The following DHRS12 variants were observed in gnomAD, a reference collection of about 807,000 sequenced individuals.
DHRS12 encodes dehydrogenase/reductase SDR family member 12.
DHRS12 carries 29 observed loss-of-function variants against 32.1 expected under a neutral mutation model. The observed-to-expected ratio is 0.90, with a 90% CI of 0.67 to 1.23. DHRS12 has a LOEUF of 1.23. DHRS12 is among the 50% of genes most tolerant of loss of function. The pLI is 0.00. For missense variants in DHRS12, 330 were observed against 337.2 expected (o/e 0.98, Z 0.17); for synonymous variants, 150 against 135.9 (o/e 1.10, Z -0.72).
At chr13:51,761,115 GTTT>G in the DHRS12 span, 1 of 152,162 alleles carries the variant, frequency 6.6e-6, no homozygotes, top group African/African-American at 2.4e-5. Context: ...ATCCTAATGT[GTTT>G]CATCAGAACA....
intron 4 of DHRS12, among the ~76,000 whole-genome samples, chr13:51,779,019 C>T (rs979426169): frequency 6.6e-6 from 1 of 152,046 alleles, no homozygotes; most frequent in African/African-American, 2.4e-5. Flanking sequence ...AAAGTCCCAG[C>T]AAGTTCATAC....
chr13:51,799,705 G>A, intron 1 of DHRS12, 38 bp from the exon 2 acceptor site: 2 of 1,607,776 alleles, frequency 1.2e-6, no homozygotes, highest in African/African-American at 1.3e-5. Context: ...CAGCTGTAAG[G>A]AGTGGGGAAC....
intron 5 of DHRS12, chr13:51,774,470 GTATTCTCCTACAGTATTCTCC>G (rs1169746004): frequency 6.2e-4 from 48 of 77,008 alleles, no homozygotes; most frequent in Middle Eastern, 9.6e-3. Flanking sequence ...TTCTCCTACA[GTATTCTCCTACAGTATTCTCC>G]TACATGTATT....
chr13:51,781,816 G>T (rs932020137), intron 4 of DHRS12, among the ~76,000 whole-genome samples: 1 of 152,152 alleles, frequency 6.6e-6, no homozygotes, highest in African/African-American at 2.4e-5. Context: ...GAAACCAAGG[G>T]GTGACTTTAA....
At position 51,774,050 on chromosome 13, in the gene DHRS12, CAG is replaced by C. The variant is rs763698429; in HGVS notation, c.364-18_364-17del. 7 of 1,611,220 alleles carry C rather than the reference CAG, an allele frequency of 4.3e-6. No homozygotes were observed. Among genetic ancestry groups the C allele is most frequent in the East Asian group, 2.2e-5 (1 of 44,860 alleles). On this transcript the variant is annotated splice_polypyrimidine_tract_variant and intron_variant, in intron 5 of 8. Coordinates refer to ENST00000444610, the MANE Select transcript of DHRS12 (RefSeq NM_001377533.1). ...AGACGGTTATCTGCAATAAAGGTAA[CAG>C]AGATTTACAAACTAAAGCCTGTGAC...
At position 51,773,904 on chromosome 13, in the gene DHRS12, A is replaced by C. The variant is rs1954175129; in HGVS notation, c.468+26T>G. ...CCCTCGCAGCCCGTGGGTAAAATGC[A>C]GTCTCAGGAAACCCACCTCACTGAC... On this transcript the variant is annotated intron_variant, in intron 6 of 8. Transcript: ENST00000444610. 6 of 1,596,944 alleles carry C rather than the reference A, an allele frequency of 3.8e-6. No individual in the cohort carries two copies. In the East Asian group the frequency reaches 1.3e-4, roughly 36 times the overall value.
chr13:51,791,096 G>T, intron 3 of DHRS12, 69 bp downstream of exon 3: 2 of 1,106,442 alleles, frequency 1.8e-6, no homozygotes, highest in Non-Finnish European at 2.6e-6. Context: ...ATACATATCC[G>T]TCCACATCCA....
At chr13:51,781,975 C>G (rs1408736182) in intron 4 of DHRS12, among the ~76,000 whole-genome samples, 1 of 152,088 alleles carries the variant, frequency 6.6e-6, no homozygotes, top group Admixed American at 6.5e-5. Flanking sequence ...GCAGAGTGGT[C>G]GCAGTGGAGC....
chr13:51,771,636 C>T (rs988775036), intron 7 of DHRS12, 185 bp downstream of exon 7: 6 of 1,438,928 alleles, frequency 4.2e-6, no homozygotes, highest in Non-Finnish European at 3.8e-6. Context: ...AGCAAAAGCT[C>T]TGTGTCTGTA....
chr13:51,771,524 C>T (rs746205071), intron 7 of DHRS12: 1 of 1,612,830 alleles, frequency 6.2e-7, no homozygotes, highest in Admixed American at 1.7e-5. Flanking sequence ...TGGTCACCGG[C>T]TCCCTCTCTC....
chr13:51,794,542 T>C (rs969540758), intron 2 of DHRS12, among the ~76,000 whole-genome samples: 1 of 152,186 alleles, frequency 6.6e-6, no homozygotes, highest in Non-Finnish European at 1.5e-5. Context: ...GTGTGTGATG[T>C]TGGTGGAGTC....
At chr13:51,777,547 C>T (rs1954495487) in intron 4 of DHRS12, among the ~76,000 whole-genome samples, 1 of 152,140 alleles carries the variant, frequency 6.6e-6, no homozygotes, top group Non-Finnish European at 1.5e-5. Context: ...CATTTCTGCA[C>T]TGTTTGGATT....
At chr13:51,799,501 G>A (rs778328556) in intron 2 of DHRS12, 33 bp downstream of exon 2, 1 of 1,611,116 alleles carries the variant, frequency 6.2e-7, no homozygotes, top group East Asian at 2.2e-5. Context: ...TGGCCGTGGG[G>A]CTCAGTGGAC....
intron 1 of DHRS12, among the ~76,000 whole-genome samples, chr13:51,801,091 T>C (rs909277194): frequency 2.0e-5 from 3 of 152,188 alleles, no homozygotes; most frequent in African/African-American, 7.2e-5. Flanking sequence ...AGAAAGGGAA[T>C]AATAAGAGAT....
the DHRS12 span, chr13:51,758,198 A>G: frequency 6.4e-7 from 1 of 1,571,906 alleles, no homozygotes; most frequent in East Asian, 2.3e-5. Flanking sequence ...CTAGACGTGC[A>G]CCCACAGCCA....
chr13:51,802,188 C>A (rs1421798177), intron 1 of DHRS12, among the ~76,000 whole-genome samples: 1 of 140,880 alleles, frequency 7.1e-6, no homozygotes, highest in African/African-American at 2.8e-5. Flanking sequence ...CACACACACA[C>A]ACACACACAC....
intron 4 of DHRS12, among the ~76,000 whole-genome samples, chr13:51,780,656 G>A (rs1249660948): frequency 3.9e-5 from 6 of 152,288 alleles, no homozygotes; most frequent in Non-Finnish European, 8.8e-5. Context: ...TATTACATGG[G>A]TACATGACTT....
chr13:51,777,980 G>T (rs1451520271), intron 4 of DHRS12, among the ~76,000 whole-genome samples: 1 of 152,236 alleles, frequency 6.6e-6, no homozygotes, highest in Non-Finnish European at 1.5e-5. Context: ...CGAGCCCTGG[G>T]CTCTTTCCTG....
chr13:51,797,908 C>T lies in DHRS12; in HGVS notation c.126+1626G>A, dbSNP rs971568215. 5.9e-6 allele frequency: 9 copies of T among 1,535,796 alleles called. No individual in the cohort carries two copies. In the African/African-American group the frequency reaches 1.1e-4, roughly 19 times the overall value. ...TCGACAAACCAGGTGAACTGTGCCACCTGGTGGAATTCAATGAAACCATCT... is the reference window on the plus strand; with the variant it reads ...TCGACAAACCAGGTGAACTGTGCCATCTGGTGGAATTCAATGAAACCATCT... On this transcript the variant is annotated intron_variant, in intron 2 of 8. Coordinates refer to ENST00000444610, the MANE Select transcript of DHRS12 (RefSeq NM_001377533.1).
Sources: gnomAD v4.1 joint callset for allele counts (sites outside exome capture counted in the v4.1 genomes callset) on GRCh38, gnomAD v4.1.1 for gene constraint, MANE v1.5 for transcripts, NCBI Gene and HGNC (gene_info 2026-07-23, HGNC 2026-07-21) for gene names.